Variants in UBALD2 observed in about 807,000 individuals in gnomAD.
The protein encoded by UBALD2 is UBA-like domain-containing protein 2.
In UBALD2, 8 loss-of-function variants were observed where a neutral mutation model predicts 15.9. The observed-to-expected ratio is 0.50, with a 90% CI of 0.29 to 0.91. The LOEUF (loss-of-function observed/expected upper bound fraction) is 0.91, where lower values mean the gene tolerates loss of function less well. UBALD2 is among the 40% of genes least tolerant of loss of function. UBALD2 has a pLI of 0.07. For synonymous variants in UBALD2, 113 were observed against 97.7 expected (o/e 1.16, Z -0.93); for missense variants, 178 against 234.8 (o/e 0.76, Z 1.58).
chr17:76,266,836 C>G (rs2070549299), intron 2 of UBALD2, among the ~76,000 whole-genome samples: 2 of 152,116 alleles, frequency 1.3e-5, no homozygotes, highest in South Asian at 4.1e-4. Flanking sequence ...GATCTTAAAA[C>G]ATTGTTCCCC....
At chr17:76,267,069 A>G (rs1300731275) in intron 2 of UBALD2, among the ~76,000 whole-genome samples, 1 of 151,786 alleles carries the variant, frequency 6.6e-6, no homozygotes, top group Admixed American at 6.6e-5. Flanking sequence ...GCTCTTAGAA[A>G]CCCAAGAGGG....
intron 1 of UBALD2, 35 bp downstream of exon 1, chr17:76,265,660 G>A: frequency 3.5e-6 from 4 of 1,145,464 alleles, no homozygotes; most frequent in Non-Finnish European, 4.3e-6. Context: ...CGGGCCGCGG[G>A]GGTCGGGGAC....
chr17:76,265,666 G>A, intron 1 of UBALD2, 41 bp downstream of exon 1: 1 of 1,149,900 alleles, frequency 8.7e-7, no homozygotes, highest in Non-Finnish European at 1.1e-6. Context: ...GCGGGGGTCG[G>A]GGACGCCGGG....
In UBALD2 at chr17:76,270,268, C is replaced by A; in HGVS notation, c.258C>A (p.Arg86=). The change falls in exon 3 of 3, where the codon CGC becomes CGA. Residue 86 remains arginine (R), a synonymous_variant. Transcript: ENST00000327490. ...CGCTGGCCATGTTCTCCAAGCTCCG[C>A]GCCTCCGAGGGCCTGCAGAGCAGCA... ...PDALAMFSKL[R]ASEGLQSSNS... 6.2e-7 allele frequency: 1 copy of A among 1,612,320 alleles called. No individual in the cohort carries two copies. The highest frequency in any genetic ancestry group is 8.5e-7 in the Non-Finnish European group (1 of 1,179,920).
intron 2 of UBALD2, among the ~76,000 whole-genome samples, chr17:76,267,600 C>T (rs1244201977): frequency 4.6e-5 from 7 of 151,362 alleles, no homozygotes; most frequent in Admixed American, 6.6e-5. Flanking sequence ...GCTATCCTTC[C>T]GCCTCAGCCT....
In UBALD2 at chr17:76,270,417, TCCACCGC is replaced by T. The variant is rs1366773768; in HGVS notation, c.412_418del (p.Arg138SerfsTer69). 2 of 1,097,368 alleles carry T rather than the reference TCCACCGC, an allele frequency of 1.8e-6. No individual in the cohort carries two copies. The highest frequency in any genetic ancestry group is 1.8e-5 in the African/African-American group (1 of 56,392). The allele number at this position is 1,097,368 out of a possible 1,614,324, so 68.0% of individuals were successfully genotyped here. A position where few individuals can be genotyped will look rare whatever the true frequency, so the allele number is the denominator to read the frequency against. On this transcript the variant is annotated frameshift_variant, in exon 3 of 3. Coordinates refer to ENST00000327490, the MANE Select transcript of UBALD2 (RefSeq NM_182565.4). LOFTEE classifies it high-confidence loss of function. The stretch of plus-strand genomic sequence containing the variant: ...TCCTCCCCCACCACCTTCCACCACC[TCCACCGC>T]CCACAGCCCACGTGGCCCCCAGGAG...
chr17:76,265,733 C>G (rs1458566542), intron 1 of UBALD2, 108 bp downstream of exon 1: 3 of 1,283,818 alleles, frequency 2.3e-6, no homozygotes, highest in Non-Finnish European at 3.0e-6. Flanking sequence ...TCGGCGCCCG[C>G]GAGCGGGTCT....
intron 2 of UBALD2, among the ~76,000 whole-genome samples, chr17:76,266,466 C>T (rs1358054173): frequency 6.6e-6 from 1 of 152,118 alleles, no homozygotes; most frequent in East Asian, 1.9e-4. Flanking sequence ...ATGAATCCAC[C>T]CTGGCTCAGG....
rs2143067146 is a variant in UBALD2, at chr17:76,270,384, T to TTCCC, written c.374_375insTCCC (p.Ser128AlafsTer113). 3.3e-6 allele frequency: 5 copies of TTCCC among 1,504,592 alleles called. No individual in the cohort carries two copies. The highest frequency in any genetic ancestry group is 4.5e-6 in the Non-Finnish European group (5 of 1,116,064). The allele number at this position is 1,504,592 out of a possible 1,614,324, so 93.2% of individuals were successfully genotyped here. A position where few individuals can be genotyped will look rare whatever the true frequency, so the allele number is the denominator to read the frequency against. The stretch of plus-strand genomic sequence containing the variant: ...CCGCCCAGCCACCAGGCGCCCTGGA[T>TTCCC]CCCGCCCTCCTCCCCCACCACCTTC... On this transcript the variant is annotated frameshift_variant, in exon 3 of 3. Transcript: ENST00000327490. LOFTEE classifies it high-confidence loss of function.
rs2070535879 is a variant in UBALD2 at position 76,265,377 on chromosome 17, G to A, written c.-129G>A. 6 of 911,102 alleles carry A rather than the reference G, an allele frequency of 6.6e-6. No individual in the cohort carries two copies. In the South Asian group the frequency reaches 1.9e-4, roughly 29 times the overall value. The allele number at this position is 911,102 out of a possible 1,614,324, so 56.4% of individuals were successfully genotyped here. On this transcript the variant is annotated 5_prime_UTR_variant, in exon 1 of 3. Transcript: ENST00000327490. ...CATTCGCCGGGCGGGCGGCGGCGGA[G>A]CGGGCGGCGGAGCGGCGGCAGCAGC...
At position 76,270,617 on chromosome 17, in the gene UBALD2, G is replaced by T. The variant is rs1289486324; in HGVS notation, c.*112G>T. On this transcript the variant is annotated 3_prime_UTR_variant, in exon 3 of 3. Coordinates refer to ENST00000327490, the MANE Select transcript of UBALD2 (RefSeq NM_182565.4). ...GAGGGCAGGGGGTTTCCCGAAGATC[G>T]CACTGGAAGATTTTATAAAAGAATT... is the stretch of plus-strand genomic sequence containing the variant. The T allele has an allele frequency of 8.7e-6, 9 of 1,034,330 alleles. No homozygotes were observed. The South Asian group carries it at 1.5e-4, about 17-fold the overall frequency. 64.1% of individuals were successfully genotyped at this position (1,034,330 alleles called of 1,614,324 possible). A position where few individuals can be genotyped will look rare whatever the true frequency, so the allele number is the denominator to read the frequency against.
Position 76,270,365 on chromosome 17 carries a change from A to G in UBALD2, c.355A>G (p.Ser119Gly). 3 of 1,561,860 alleles carry G rather than the reference A, an allele frequency of 1.9e-6. No homozygotes were observed. The East Asian group carries it at 7.1e-5, about 37-fold the overall frequency. ...CCCCTTCTGGGCCTCGTCCCCGCCCAGCCACCAGGCGCCCTGGATCCCGCC... is the reference window on the plus strand; with the variant it reads ...CCCCTTCTGGGCCTCGTCCCCGCCCGGCCACCAGGCGCCCTGGATCCCGCC... ...FSPFWASSPP[S>G]HQAPWIPPSS... Residue 119 changes from serine (S) to glycine (G), a missense_variant, in exon 3 of 3, where the codon AGC (serine) becomes GGC (glycine). By Grantham distance (56) the Ser-to-Gly change is moderately conservative. Coordinates refer to ENST00000327490, the MANE Select transcript of UBALD2 (RefSeq NM_182565.4).
rs2070541910 is a variant in UBALD2, at chr17:76,265,948, C to T, written c.162C>T (p.Asn54=). ...TCTTCCAAGAAACCAACATTCCCAA[C>T]AGCCACCACCACCACCAGATGGTAA... ...STFFQETNIP[N]SHHHHQMMCT... The change falls in exon 2 of 3, where the codon AAC becomes AAT. Residue 54 remains asparagine, a synonymous_variant. Transcript: ENST00000327490. 1 of 1,597,948 alleles carries T rather than the reference C, an allele frequency of 6.3e-7. No individual in the cohort carries two copies. Among genetic ancestry groups the T allele is most frequent in the Non-Finnish European group, 8.5e-7 (1 of 1,173,064 alleles).
At position 76,270,274 on chromosome 17, in the gene UBALD2, C is replaced by T. The variant is rs112574634; in HGVS notation, c.264C>T (p.Ser88=). The T allele has an allele frequency of 1.2e-5, 19 of 1,611,956 alleles. No homozygotes were observed. Among genetic ancestry groups the T allele is most frequent in the African/African-American group, 2.7e-5 (2 of 74,906 alleles). The change falls in exon 3 of 3, where the codon TCC becomes TCT. Residue 88 remains serine (S), a synonymous_variant. Coordinates refer to ENST00000327490, the MANE Select transcript of UBALD2 (RefSeq NM_182565.4). ...ALAMFSKLRA[S]EGLQSSNSPM... ...CCATGTTCTCCAAGCTCCGCGCCTC[C>T]GAGGGCCTGCAGAGCAGCAACAGCC...
chr17:76,266,068 A>G (rs2070543257), intron 2 of UBALD2, 99 bp downstream of exon 2: 2 of 1,409,746 alleles, frequency 1.4e-6, no homozygotes, highest in Non-Finnish European at 1.9e-6. Context: ...GTAAACAAAG[A>G]GCCAAAATGT....
At position 76,270,519 on chromosome 17, in the gene UBALD2, C is replaced by G. The variant is rs1251776246; in HGVS notation, c.*14C>G. 1 of 1,438,390 alleles carries G rather than the reference C, an allele frequency of 7.0e-7. No homozygotes were observed. The highest frequency in any genetic ancestry group is 1.5e-5 in the South Asian group (1 of 67,342). The allele number at this position is 1,438,390 out of a possible 1,614,324, so 89.1% of individuals were successfully genotyped here. On this transcript the variant is annotated 3_prime_UTR_variant, in exon 3 of 3. Transcript: ENST00000327490. Reference sequence around the variant, plus strand: ...GGCCAGAGATGAGACTGGACGCCGCCGGGCGCTGGGCTGGAGCTGGGGGCA... The same window carrying G: ...GGCCAGAGATGAGACTGGACGCCGCGGGGCGCTGGGCTGGAGCTGGGGGCA...
chr17:76,265,662 G>A, intron 1 of UBALD2, 37 bp downstream of exon 1: 3 of 1,145,244 alleles, frequency 2.6e-6, no homozygotes, highest in Non-Finnish European at 3.2e-6. Flanking sequence ...GGCCGCGGGG[G>A]TCGGGGACGC....
Position 76,270,520 on chromosome 17 carries a change from G to A in UBALD2, c.*15G>A, listed in dbSNP as rs942923552. On this transcript the variant is annotated 3_prime_UTR_variant, in exon 3 of 3. Transcript: ENST00000327490. The stretch of plus-strand genomic sequence containing the variant: ...GCCAGAGATGAGACTGGACGCCGCC[G>A]GGCGCTGGGCTGGAGCTGGGGGCAG... 4.9e-6 allele frequency: 7 copies of A among 1,436,886 alleles called. No homozygotes were observed. Among genetic ancestry groups the A allele is most frequent in the African/African-American group, 4.4e-5 (3 of 68,906 alleles). 89.0% of individuals were successfully genotyped at this position (1,436,886 alleles called of 1,614,324 possible). A position where few individuals can be genotyped will look rare whatever the true frequency, so the allele number is the denominator to read the frequency against.
chr17:76,270,111 G>A, intron 2 of UBALD2, 83 bp from the exon 3 acceptor site: 1 of 1,413,420 alleles, frequency 7.1e-7, no homozygotes, highest in Non-Finnish European at 9.7e-7. Context: ...TGGGAGTAAA[G>A]GAGCGGCTGG....
Sources: gnomAD v4.1 joint callset for allele counts (sites outside exome capture counted in the v4.1 genomes callset) on GRCh38, gnomAD v4.1.1 for gene constraint, MANE v1.5 for transcripts, NCBI Gene and HGNC (gene_info 2026-07-23, HGNC 2026-07-21) for gene names.